The following CAMTA1 variants were observed in gnomAD, a reference collection of about 807,000 sequenced individuals.
The protein encoded by CAMTA1 is calmodulin-binding transcription activator 1.
Under a neutral mutation model 170.9 loss-of-function variants are expected in CAMTA1, and 27 were observed. The observed-to-expected ratio is 0.16, with a 90% CI of 0.12 to 0.22. The LOEUF (loss-of-function observed/expected upper bound fraction) is 0.22. CAMTA1 is among the 10% of genes least tolerant of loss of function. The pLI is 1.00. For synonymous variants in CAMTA1, 833 were observed against 891.5 expected (o/e 0.93, Z 1.17); for missense variants, 1,619 against 2,217.2 (o/e 0.73, Z 5.42).
chr1:7,728,808 G>A (rs1239236379), intron 11 of CAMTA1, among the ~76,000 whole-genome samples: 1 of 152,190 alleles, frequency 6.6e-6, no homozygotes, highest in Non-Finnish European at 1.5e-5. Context: ...TAACAAAGAG[G>A]CATGGCATCT....
intron 11 of CAMTA1, among the ~76,000 whole-genome samples, chr1:7,725,042 T>G (rs2096674592): frequency 6.6e-6 from 1 of 152,142 alleles, no homozygotes; most frequent in African/African-American, 2.4e-5. Flanking sequence ...AAACTGCTGC[T>G]TCCACAAAAA....
chr1:7,146,098 AT>A lies in CAMTA1; in HGVS notation c.302+54728del, dbSNP rs1646167851. Among the ~76,000 whole-genome samples the A allele has an allele frequency of 6.6e-6, 1 of 152,138 alleles. No individual in the cohort carries two copies. The highest frequency in any genetic ancestry group is 2.4e-5 in the African/African-American group (1 of 41,422). The stretch of plus-strand genomic sequence containing the variant: ...GCTTTAATTGGATCTTTTTTTTAAA[AT>A]GGGATGATTGTAAAGGCCGGGCCGA... On this transcript the variant is annotated intron_variant, in intron 4 of 22. Transcript: ENST00000303635. The surrounding 1 kb of genome is among the most constrained non-coding windows in gnomAD (Gnocchi z 4.3).
chr1:7,535,855 C>T (rs932775985), intron 6 of CAMTA1, among the ~76,000 whole-genome samples: 1 of 152,146 alleles, frequency 6.6e-6, no homozygotes, highest in Admixed American at 6.5e-5. Context: ...GAACCTGGGG[C>T]GCTGCCACAG....
At chr1:6,952,654 G>A (rs1187864338) in intron 3 of CAMTA1, among the ~76,000 whole-genome samples, 2 of 151,838 alleles carry the variant, frequency 1.3e-5, no homozygotes, top group East Asian at 1.9e-4. Flanking sequence ...CCAACATGGC[G>A]AAACCCTGTC....
In CAMTA1 at chr1:6,988,064, G is replaced by A. The variant is rs988217445; in HGVS notation, c.235-103240G>A. On this transcript the variant is annotated intron_variant, in intron 3 of 22. Transcript: ENST00000303635. ...CCCTTAAATAAAATCAATAGACCTGGGACATGCTTGGAATCTAGAAGCTAA... is the reference window on the plus strand; with the variant it reads ...CCCTTAAATAAAATCAATAGACCTGAGACATGCTTGGAATCTAGAAGCTAA... Among the ~76,000 whole-genome samples the A allele has an allele frequency of 3.3e-5, 5 of 152,126 alleles. 1 individual carries two copies. The highest frequency in any genetic ancestry group is 2.6e-4 in the Admixed American group (4 of 15,278).
At position 6,848,025 on chromosome 1, in the gene CAMTA1, C is replaced by T. The variant is rs779671837; in HGVS notation, c.234+22815C>T. ...CGCGCCTGGCCTAAGATTTTTATTT[C>T]TAGTAGAAAAAGAGTTTCACCATAG... is the stretch of plus-strand genomic sequence containing the variant. On this transcript the variant is annotated intron_variant, in intron 3 of 22. Coordinates refer to ENST00000303635, the MANE Select transcript of CAMTA1 (RefSeq NM_015215.4). Among the ~76,000 whole-genome samples, 74 of 151,966 alleles carry T rather than the reference C, an allele frequency of 4.9e-4. No homozygotes were observed. The Middle Eastern group carries it at 0.01, about 21-fold the overall frequency.
At chr1:6,989,896 T>C (rs548556212) in intron 3 of CAMTA1, among the ~76,000 whole-genome samples, 2 of 152,170 alleles carry the variant, frequency 1.3e-5, no homozygotes, top group East Asian at 1.9e-4. Flanking sequence ...GCTGGAGGAA[T>C]AGAGGGAAAG....
At chr1:7,166,356 G>A (rs1432059777) in intron 4 of CAMTA1, among the ~76,000 whole-genome samples, 1 of 152,206 alleles carries the variant, frequency 6.6e-6, no homozygotes. Flanking sequence ...GTGAGCCACC[G>A]CGTCCGGCCT....
At chr1:6,959,863 C>T (rs924989055) in intron 3 of CAMTA1, among the ~76,000 whole-genome samples, 1 of 152,132 alleles carries the variant, frequency 6.6e-6, no homozygotes, top group East Asian at 1.9e-4. Context: ...CACAGAGTCA[C>T]TCAGGTCCCA....
intron 11 of CAMTA1, among the ~76,000 whole-genome samples, chr1:7,683,533 A>T (rs2149334939): frequency 6.6e-6 from 1 of 151,446 alleles, no homozygotes; most frequent in South Asian, 2.1e-4. Context: ...GGAAGAAAGG[A>T]CGCCCACCCC....
rs1347259175 is a variant in CAMTA1 at position 7,426,059 on chromosome 1, T to A, written c.439-41771T>A. Among the ~76,000 whole-genome samples the A allele has an allele frequency of 6.6e-6, 1 of 152,174 alleles. No individual in the cohort carries two copies. On this transcript the variant is annotated intron_variant, in intron 5 of 22. Coordinates refer to ENST00000303635, the MANE Select transcript of CAMTA1 (RefSeq NM_015215.4). This position sits in a 1 kb window ranked among gnomAD's most constrained non-coding sequence, Gnocchi z 4.8. ...AGGTGAGCTGCGGTCCTGGAAAAGG[T>A]GGCAGGGTAGGGGCCTCCTGGCATC...
At chr1:7,464,864 C>T (rs1296907635) in intron 5 of CAMTA1, among the ~76,000 whole-genome samples, 1 of 152,024 alleles carries the variant, frequency 6.6e-6, no homozygotes, top group Non-Finnish European at 1.5e-5. Flanking sequence ...AGGACAAGGA[C>T]TCTCTGAGCC....
chr1:7,424,942 G>T (rs947029725), intron 5 of CAMTA1, among the ~76,000 whole-genome samples: 2 of 152,150 alleles, frequency 1.3e-5, no homozygotes, highest in Non-Finnish European at 2.9e-5. Context: ...GACAAGAAGG[G>T]AGTGTCCCTG....
intron 5 of CAMTA1, among the ~76,000 whole-genome samples, chr1:7,320,104 C>T (rs1416940627): frequency 6.6e-6 from 1 of 152,128 alleles, no homozygotes; most frequent in African/African-American, 2.4e-5. Context: ...CTTTTTCTTG[C>T]TTTATTACAC....
At chr1:7,611,101 T>G (rs970090045) in intron 6 of CAMTA1, among the ~76,000 whole-genome samples, 4 of 152,088 alleles carry the variant, frequency 2.6e-5, no homozygotes, top group South Asian at 4.2e-4. Context: ...AGTACCCACC[T>G]CCGGGACTGT....
intron 3 of CAMTA1, among the ~76,000 whole-genome samples, chr1:7,056,063 C>T (rs1252298638): frequency 6.6e-6 from 1 of 152,220 alleles, no homozygotes; most frequent in Non-Finnish European, 1.5e-5. Flanking sequence ...TTGCTCTTCT[C>T]TGCACGACTC....
At chr1:7,718,035 C>T (rs1216542904) in intron 11 of CAMTA1, among the ~76,000 whole-genome samples, 1 of 152,138 alleles carries the variant, frequency 6.6e-6, no homozygotes, top group Non-Finnish European at 1.5e-5. Context: ...CCTCACTGAG[C>T]CAACACAATT....
intron 5 of CAMTA1, among the ~76,000 whole-genome samples, chr1:7,442,840 T>C (rs2092582099): frequency 6.6e-6 from 1 of 152,148 alleles, no homozygotes; most frequent in South Asian, 2.1e-4. Context: ...TATTTAGAGA[T>C]TGGCAAGGAA....
At chr1:7,090,452 A>G (rs902548642) in intron 3 of CAMTA1, among the ~76,000 whole-genome samples, 16 of 152,170 alleles carry the variant, frequency 1.1e-4, no homozygotes, top group African/African-American at 2.7e-4. Flanking sequence ...ATCAAGGGAG[A>G]CATGTACTAG....
Sources: allele counts gnomAD v4.1 joint callset (sites outside exome capture counted in the v4.1 genomes callset), GRCh38; gene constraint gnomAD v4.1.1; non-coding constraint Gnocchi (gnomAD v3.1); transcripts MANE v1.5; gene names NCBI Gene and HGNC (gene_info 2026-07-23, HGNC 2026-07-21).